Variants in PCYT1B observed in about 807,000 individuals in gnomAD.
PCYT1B encodes choline-phosphate cytidylyltransferase B.
Under a neutral mutation model 26.4 loss-of-function variants are expected in PCYT1B, and 10 were observed. That is an observed-to-expected ratio of 0.38 (90% CI 0.23 to 0.64). The LOEUF is 0.64. PCYT1B is among the 30% of genes least tolerant of loss of function. The pLI is 0.56. For synonymous variants in PCYT1B, 131 were observed against 108.4 expected (o/e 1.21, Z -1.29); for missense variants, 161 against 292.7 (o/e 0.55, Z 3.28).
intron 1 of PCYT1B, among the ~76,000 whole-genome samples, chrX:24,641,442 G>A (rs193024961): frequency 5.2e-4 from 58 of 112,556 alleles, no homozygotes; most frequent in Non-Finnish European, 9.9e-4. Context: ...GTATAAGAGT[G>A]CAAAACATGA....
At chrX:24,646,274 G>A (rs780099404) in intron 1 of PCYT1B, among the ~76,000 whole-genome samples, 5 of 110,984 alleles carry the variant, frequency 4.5e-5, no homozygotes, top group Non-Finnish European at 7.5e-5. Flanking sequence ...GAGCAGTTAC[G>A]GTGCAGTTAC....
chrX:24,562,514 A>C lies in PCYT1B; in HGVS notation c.898-9T>G, dbSNP rs760018279. 3 of 1,189,082 alleles carry C rather than the reference A, an allele frequency of 2.5e-6. No individual in the cohort carries two copies. Among genetic ancestry groups the C allele is most frequent in the Non-Finnish European group, 2.3e-6 (2 of 881,548 alleles). On this transcript the variant is annotated splice_polypyrimidine_tract_variant and intron_variant, in intron 7 of 7. Coordinates refer to ENST00000379144, the MANE Select transcript of PCYT1B (RefSeq NM_004845.5). ...TCCTGGAACATCTGCTTCTAAAGATAAATTGGAGAGAAGGCATCTGTTAAC... is the reference window on the plus strand; with the variant it reads ...TCCTGGAACATCTGCTTCTAAAGATCAATTGGAGAGAAGGCATCTGTTAAC...
At chrX:24,604,751 G>A (rs187341327) in intron 3 of PCYT1B, among the ~76,000 whole-genome samples, 21 of 111,552 alleles carry the variant, frequency 1.9e-4, no homozygotes, top group African/African-American at 6.8e-4. Context: ...GTTCCCAGAA[G>A]TCTACATACT....
upstream of PCYT1B, chrX:24,672,747 G>T: frequency 1.8e-6 from 1 of 546,503 alleles, no homozygotes; most frequent in Non-Finnish European, 3.1e-6. Flanking sequence ...GGCTCTCTGT[G>T]CCCAGCGCTC....
chrX:24,582,207 T>C (rs373800656), intron 5 of PCYT1B, among the ~76,000 whole-genome samples: 1 of 112,516 alleles, frequency 8.9e-6, no homozygotes, highest in East Asian at 2.8e-4. Context: ...GCAGATATTT[T>C]ACCCACACCC....
At chrX:24,628,112 G>A (rs1925937740) in intron 1 of PCYT1B, among the ~76,000 whole-genome samples, 1 of 112,006 alleles carries the variant, frequency 8.9e-6, no homozygotes, top group Non-Finnish European at 1.9e-5. Flanking sequence ...AGAGATGCAG[G>A]TTTAGAAACT....
chrX:24,667,497 A>C (rs759883547), intron 1 of PCYT1B, among the ~76,000 whole-genome samples: 5 of 111,184 alleles, frequency 4.5e-5, no homozygotes, highest in East Asian at 5.7e-4. Context: ...CGGGCAGTTC[A>C]CTTGAGGTCA....
chrX:24,562,421 G>T lies in PCYT1B; in HGVS notation c.982C>A (p.Arg328=), dbSNP rs775298454. 8.4e-7 allele frequency: 1 copy of T among 1,193,006 alleles called. No homozygotes were observed. The highest frequency in any genetic ancestry group is 3.0e-5 in the East Asian group (1 of 33,653). ...GGCGATGGGGAGCGGGAAGGGGACCGGCTCCGGGTTGGGCTGCTCACAGGG... is the reference window on the plus strand; with the variant it reads ...GGCGATGGGGAGCGGGAAGGGGACCTGCTCCGGGTTGGGCTGCTCACAGGG... The part of the protein sequence containing the change: ...QSPVSSPTRS[R]SPSRSPSPTF... Residue 328 remains arginine (R), a synonymous_variant, in exon 8 of 8, where the codon CGG becomes AGG. Transcript: ENST00000379144.
At chrX:24,655,142 A>G (rs1028590944) in intron 1 of PCYT1B, among the ~76,000 whole-genome samples, 42 of 112,430 alleles carry the variant, frequency 3.7e-4, no homozygotes, top group African/African-American at 1.3e-3. Flanking sequence ...AAAAATTTCA[A>G]ATGAATGAAC....
chrX:24,599,614 T>C (rs1319999845), intron 3 of PCYT1B, among the ~76,000 whole-genome samples: 1 of 111,828 alleles, frequency 8.9e-6, no homozygotes, highest in Non-Finnish European at 1.9e-5. Flanking sequence ...GTGCTTTGGT[T>C]AGTTATGCTC....
intron 1 of PCYT1B, among the ~76,000 whole-genome samples, chrX:24,665,961 C>G (rs1489922378): frequency 2.7e-5 from 3 of 110,594 alleles, no homozygotes; most frequent in Non-Finnish European, 5.7e-5. Flanking sequence ...TCTCGCCTGG[C>G]CTTCAGACAT....
At chrX:24,579,208 A>AGT (rs1924126720) in intron 6 of PCYT1B, 108 bp downstream of exon 6, 1 of 638,309 alleles carries the variant, frequency 1.6e-6, no homozygotes, top group Non-Finnish European at 2.3e-6. Context: ...AAAGAGAGAG[A>AGT]GAGAGGGAGA....
chrX:24,638,045 G>A (rs1213461400), intron 1 of PCYT1B, among the ~76,000 whole-genome samples: 1 of 111,005 alleles, frequency 9.0e-6, no homozygotes, highest in Admixed American at 9.7e-5. Flanking sequence ...ACATCATTTG[G>A]TTGGCAATAG....
In PCYT1B at chrX:24,671,559, T is replaced by C. The variant is rs764633135; in HGVS notation, c.63+1011A>G. On this transcript the variant is annotated intron_variant, in intron 1 of 7. Transcript: ENST00000379145. The stretch of plus-strand genomic sequence containing the variant: ...AACCTAGACTACTTTCTGAGTAATA[T>C]GGTGCTTAAACCAGCCACCCATATC... 4.5e-5 allele frequency among the ~76,000 whole-genome samples: 5 copies of C among 111,470 alleles called. No homozygotes were observed. In the East Asian group the frequency reaches 8.5e-4, roughly 19 times the overall value.
chrX:24,601,764 A>C (rs935818269), intron 3 of PCYT1B, among the ~76,000 whole-genome samples: 15 of 111,790 alleles, frequency 1.3e-4, no homozygotes, highest in African/African-American at 4.9e-4. Context: ...TATTAGAATG[A>C]CAAAAGTCCA....
At chrX:24,627,557 T>G (rs1253320121) in intron 1 of PCYT1B, among the ~76,000 whole-genome samples, 2 of 111,710 alleles carry the variant, frequency 1.8e-5, no homozygotes, top group Non-Finnish European at 3.8e-5. Context: ...ACGCCTGACC[T>G]CAGGTGATCT....
chrX:24,585,263 C>T (rs1924333218), intron 5 of PCYT1B, among the ~76,000 whole-genome samples: 1 of 111,582 alleles, frequency 9.0e-6, no homozygotes, highest in Admixed American at 9.5e-5. Context: ...CCACTGGCAC[C>T]TTGTTTATGG....
At chrX:24,618,298 C>T (rs965949459) in intron 2 of PCYT1B, among the ~76,000 whole-genome samples, 1 of 111,785 alleles carries the variant, frequency 8.9e-6, no homozygotes, top group African/African-American at 3.3e-5. Flanking sequence ...TTGTATATGC[C>T]TTCATGGTTT....
chrX:24,651,088 G>A (rs1358649114), upstream of PCYT1B, among the ~76,000 whole-genome samples: 1 of 111,139 alleles, frequency 9.0e-6, no homozygotes, highest in African/African-American at 3.3e-5. Flanking sequence ...ATATCAAGAT[G>A]CTAAAAGTGA....
Sources: allele counts gnomAD v4.1 joint callset (sites outside exome capture counted in the v4.1 genomes callset), GRCh38; gene constraint gnomAD v4.1.1; transcripts MANE v1.5; gene names NCBI Gene and HGNC (gene_info 2026-07-23, HGNC 2026-07-21).